HS3ST4: variants seen among roughly 807,000 people sequenced by gnomAD.
The protein encoded by HS3ST4 is heparan sulfate glucosamine 3-O-sulfotransferase 4.
In HS3ST4, 17 loss-of-function variants were observed where a neutral mutation model predicts 29.2. That is an observed-to-expected ratio of 0.58 (90% CI 0.40 to 0.87). HS3ST4 has a LOEUF of 0.87. Ranked by LOEUF, HS3ST4 falls within the 40% of genes least tolerant of loss-of-function variation. The pLI, the probability that HS3ST4 is intolerant of heterozygous loss-of-function variation, is 0.00. For missense variants in HS3ST4, 627 were observed against 634.5 expected, an observed-to-expected ratio of 0.99 and a Z score of 0.13; for synonymous variants, 314 against 285.7, an observed-to-expected ratio of 1.10 and a Z score of -1.00.
At chr16:25,893,429 T>C (rs1968029903) in intron 1 of HS3ST4, among the ~76,000 whole-genome samples, 1 of 152,184 alleles carries the variant, frequency 6.6e-6, no homozygotes, top group Non-Finnish European at 1.5e-5. Context: ...ATCCCACTGG[T>C]CAGCCTTAAG....
intron 1 of HS3ST4, among the ~76,000 whole-genome samples, chr16:26,125,053 A>C (rs1899324101): frequency 1.3e-5 from 2 of 152,364 alleles, no homozygotes; most frequent in African/African-American, 4.8e-5. Flanking sequence ...GTGTACTCAG[A>C]AAAGCATCAC....
intron 1 of HS3ST4, among the ~76,000 whole-genome samples, chr16:25,865,846 G>A (rs1243371938): frequency 1.3e-5 from 2 of 152,054 alleles, no homozygotes; most frequent in Non-Finnish European, 2.9e-5. Context: ...AGACTTAAAT[G>A]TAAGACCCAA....
At chr16:25,693,212 G>C (rs1301865686) in intron 1 of HS3ST4, 61 bp downstream of exon 1, 2 of 1,468,464 alleles carry the variant, frequency 1.4e-6, no homozygotes, top group Non-Finnish European at 1.8e-6. Flanking sequence ...AGGGGAAGCC[G>C]CGGCTTTCCA....
At chr16:25,914,630 T>A (rs974929604) in intron 1 of HS3ST4, among the ~76,000 whole-genome samples, 1 of 140,712 alleles carries the variant, frequency 7.1e-6, no homozygotes, top group African/African-American at 2.7e-5. Context: ...GTGTGTGTGG[T>A]GTGTGTGTGT....
intron 1 of HS3ST4, among the ~76,000 whole-genome samples, chr16:25,830,298 G>GCTTTT (rs1324332464): frequency 6.6e-6 from 1 of 152,162 alleles, no homozygotes; most frequent in Non-Finnish European, 1.5e-5. Context: ...CATTTACATT[G>GCTTTT]CTTTTCTTTT....
At chr16:26,100,935 G>T (rs777354289) in intron 1 of HS3ST4, among the ~76,000 whole-genome samples, 3 of 152,170 alleles carry the variant, frequency 2.0e-5, no homozygotes, top group Non-Finnish European at 2.9e-5. Flanking sequence ...GGGCTCAAAG[G>T]CAGGAGATGA....
intron 1 of HS3ST4, among the ~76,000 whole-genome samples, chr16:25,768,364 A>G (rs1226995079): frequency 2.0e-5 from 3 of 152,216 alleles, no homozygotes; most frequent in Non-Finnish European, 2.9e-5. Flanking sequence ...AGGCCCTAGT[A>G]GGGCATCTGC....
intron 1 of HS3ST4, among the ~76,000 whole-genome samples, chr16:25,995,804 G>T (rs1021545089): frequency 2.0e-5 from 3 of 152,098 alleles, no homozygotes; most frequent in African/African-American, 7.2e-5. Context: ...TACTTACTCT[G>T]GTTGTCTTTT....
chr16:25,831,522 T>C (rs189047295), intron 1 of HS3ST4, among the ~76,000 whole-genome samples: 4 of 151,106 alleles, frequency 2.6e-5, no homozygotes, highest in Non-Finnish European at 4.4e-5. Context: ...GCCCTGGAGA[T>C]TGAGGCTGCA....
intron 1 of HS3ST4, among the ~76,000 whole-genome samples, chr16:25,726,413 AAACATTGCAGTG>A (rs1966534985): frequency 6.6e-6 from 1 of 152,154 alleles, no homozygotes; most frequent in Non-Finnish European, 1.5e-5. Flanking sequence ...TCTAGTCCTA[AAACATTGCAGTG>A]AACAAATGGG....
At chr16:25,899,171 A>G (rs1236587079) in intron 1 of HS3ST4, among the ~76,000 whole-genome samples, 2 of 152,194 alleles carry the variant, frequency 1.3e-5, no homozygotes, top group African/African-American at 4.8e-5. Flanking sequence ...ACGTCCATGC[A>G]TTTATTTCAG....
intron 1 of HS3ST4, among the ~76,000 whole-genome samples, chr16:26,111,986 C>T (rs1464284059): frequency 6.7e-6 from 1 of 149,296 alleles, no homozygotes; most frequent in Non-Finnish European, 1.5e-5. Flanking sequence ...CACTGCACTC[C>T]AGCCCGGCGA....
At chr16:25,924,309 C>G (rs1968382719) in intron 1 of HS3ST4, among the ~76,000 whole-genome samples, 1 of 152,174 alleles carries the variant, frequency 6.6e-6, no homozygotes, top group South Asian at 2.1e-4. Context: ...TGATACCACT[C>G]TAGCTAAAAA....
At chr16:25,944,288 G>T (rs901797095) in intron 1 of HS3ST4, among the ~76,000 whole-genome samples, 4 of 152,224 alleles carry the variant, frequency 2.6e-5, no homozygotes, top group African/African-American at 9.6e-5. Flanking sequence ...AAAGTGGGTT[G>T]CCAGGAATGG....
At chr16:26,061,217 G>T (rs982745796) in intron 1 of HS3ST4, among the ~76,000 whole-genome samples, 2 of 152,134 alleles carry the variant, frequency 1.3e-5, no homozygotes, top group African/African-American at 4.8e-5. Context: ...CATTTCCACA[G>T]ACTAGTTTAG....
chr16:25,854,088 C>CT (rs772394649), intron 1 of HS3ST4, among the ~76,000 whole-genome samples: 2 of 150,654 alleles, frequency 1.3e-5, no homozygotes, highest in Non-Finnish European at 3.0e-5. Flanking sequence ...GTATGGATTT[C>CT]TTTTTTGTCC....
chr16:25,747,747 A>G (rs1966693916), intron 1 of HS3ST4, among the ~76,000 whole-genome samples: 1 of 152,162 alleles, frequency 6.6e-6, no homozygotes, highest in Admixed American at 6.5e-5. Context: ...TGCCTCTCAG[A>G]TGCCCAAGCA....
At chr16:25,728,920 TA>T (rs981847153) in intron 1 of HS3ST4, among the ~76,000 whole-genome samples, 1 of 151,552 alleles carries the variant, frequency 6.6e-6, no homozygotes, top group Non-Finnish European at 1.5e-5. Flanking sequence ...CCCATTTCTA[TA>T]AAAAAATAAA....
rs57920476 is a variant in HS3ST4 at position 26,028,272 on chromosome 16, C to CAAAA, written c.735-107320_735-107317dup. 1.4e-4 allele frequency among the ~76,000 whole-genome samples: 7 copies of CAAAA among 48,592 alleles called. 1 individual carries two copies. Among genetic ancestry groups the CAAAA allele is most frequent in the African/African-American group, 2.7e-4 (4 of 14,816 alleles). 31.9% of individuals were successfully genotyped at this position (48,592 alleles called of 152,430 possible). A position where few individuals can be genotyped will look rare whatever the true frequency, so the allele number is the denominator to read the frequency against. ...TGGGTGACAGAGTGAGACACCGTCT[C>CAAAA]AAAAAAAAAAAAAAAAAAAAAAAGA... On this transcript the variant is annotated intron_variant, in intron 1 of 1. Transcript: ENST00000331351.
Sources: gnomAD v4.1 joint callset for allele counts (sites outside exome capture counted in the v4.1 genomes callset) on GRCh38, gnomAD v4.1.1 for gene constraint, MANE v1.5 for transcripts, NCBI Gene and HGNC (gene_info 2026-07-23, HGNC 2026-07-21) for gene names.